Variants in PEX6 observed in about 807,000 individuals in gnomAD.
PEX6 encodes the protein peroxisome biogenesis factor 6.
Under a neutral mutation model 85.6 loss-of-function variants are expected in PEX6, and 55 were observed. That is an observed-to-expected ratio of 0.64 (90% CI 0.52 to 0.80). PEX6 has a LOEUF of 0.80. Ranked by LOEUF, PEX6 falls within the 30% of genes least tolerant of loss-of-function variation. The pLI is 0.00. For missense variants in PEX6, 1,099 were observed against 1,260.3 expected (o/e 0.87, Z 1.94); for synonymous variants, 519 against 549.1 (o/e 0.95, Z 0.77).
Position 42,979,067 on chromosome 6 carries a change from C to T in PEX6, c.84G>A (p.Pro28=), listed in dbSNP as rs1236425028. The part of the protein sequence containing the change: ...PLAVLLPPGG[P]WPAAELGLVL... ...CCAGGCCCAGCTCCGCCGCCGGCCACGGGCCCCCGGGTGGCAGCAGCACTG... is the reference window on the plus strand; with the variant it reads ...CCAGGCCCAGCTCCGCCGCCGGCCATGGGCCCCCGGGTGGCAGCAGCACTG... The change falls in exon 1 of 17, where the codon CCG becomes CCA. Residue 28 remains proline (P), a synonymous_variant. Transcript: ENST00000304611. 30 of 1,539,114 alleles carry T rather than the reference C, an allele frequency of 1.9e-5. No homozygotes were observed. The highest frequency in any genetic ancestry group is 1.4e-4 in the Admixed American group (7 of 51,410).
rs374452739 is a variant in PEX6 at position 42,978,454 on chromosome 6, T to G, written c.697A>C (p.Asn233His). 4 of 1,614,034 alleles carry G rather than the reference T, an allele frequency of 2.5e-6. No homozygotes were observed. The highest frequency in any genetic ancestry group is 2.7e-5 in the African/African-American group (2 of 75,004). Residue 233 changes from asparagine to histidine, a missense_variant, in exon 1 of 17, where the codon AAC becomes CAC. Around this residue, in one of 3 missense-constraint regions of PEX6, gnomAD observed 579 missense variants for 611.6 expected, o/e 0.95. Transcript: ENST00000304611. ...VWVAQARESS[N>H]TSQPHLARVQ... ...CTAGCCAAGTGCGGCTGTGAAGTGT[T>G]CGATGACTCTCTGGCCTGGGCCACC...
chr6:42,967,846 G>A (rs865821297), intron 7 of PEX6, among the ~76,000 whole-genome samples: 27 of 152,136 alleles, frequency 1.8e-4, no homozygotes, highest in African/African-American at 6.3e-4. Context: ...GCTGTCTAGA[G>A]GGCAGCCAAA....
In PEX6 at chr6:42,978,281, C is replaced by G. The variant is rs150358700; in HGVS notation, c.870G>C (p.Glu290Asp). The change falls in exon 1 of 17, where the codon GAG (glutamate) becomes GAC (aspartate). Residue 290 changes from glutamate to aspartate, a missense_variant. This residue lies in a region of PEX6 where 579 missense variants were observed against 611.6 expected (regional missense o/e 0.95). Transcript: ENST00000304611. Reference protein sequence around the residue: ...NLGCDPLEMGELRIQRYLEGS... With the variant: ...NLGCDPLEMGDLRIQRYLEGS... ...TCCTTTATCCTACCTGAATTCTGAG[C>G]TCTCCCATTTCCAGGGGGTCACAGC... The G allele has an allele frequency of 3.4e-5, 55 of 1,614,210 alleles. No individual in the cohort carries two copies. Among genetic ancestry groups the G allele is most frequent in the Non-Finnish European group, 4.6e-5 (54 of 1,180,028 alleles).
chr6:42,968,255 C>T, intron 7 of PEX6, 35 bp downstream of exon 7: 2 of 1,587,458 alleles, frequency 1.3e-6, no homozygotes, highest in Non-Finnish European at 1.7e-6. Flanking sequence ...CAGCCGGCCC[C>T]CCCAGCTTTG....
chr6:42,969,527 T>G, intron 5 of PEX6, 141 bp downstream of exon 5: 2 of 1,003,482 alleles, frequency 2.0e-6, no homozygotes, highest in Non-Finnish European at 1.6e-6. Flanking sequence ...CTGGTGGCCT[T>G]GTGTAGGACA....
In PEX6 at chr6:42,964,536, G is replaced by A; in HGVS notation, c.2807-65C>T. 6.3e-7 allele frequency: 1 copy of A among 1,587,738 alleles called. No homozygotes were observed. The highest frequency in any genetic ancestry group is 8.6e-7 in the Non-Finnish European group (1 of 1,158,814). On this transcript the variant is annotated intron_variant, in intron 16 of 16. Coordinates refer to ENST00000304611, the MANE Select transcript of PEX6 (RefSeq NM_000287.4). The surrounding 1 kb of genome is among the most constrained non-coding windows in gnomAD (Gnocchi z 4.6). ...GGCAGGGGAGAGCCCTGCGAAGGTG[G>A]CTTCCTGCTCAGGGTCTCCTAGATG...
At chr6:42,968,231 T>G in intron 7 of PEX6, 59 bp downstream of exon 7, 8 of 1,434,296 alleles carry the variant, frequency 5.6e-6, no homozygotes, top group African/African-American at 1.4e-5. Flanking sequence ...ATTATAAGTG[T>G]GAGCCACCGC....
intron 11 of PEX6, 51 bp from the exon 12 acceptor site, chr6:42,966,156 A>G: frequency 6.2e-7 from 1 of 1,610,976 alleles, no homozygotes; most frequent in Non-Finnish European, 8.5e-7. Flanking sequence ...ACATACACAC[A>G]ATTGACCTCT....
In PEX6 at chr6:42,964,913, A is replaced by C; in HGVS notation, c.2683T>G (p.Ser895Ala). 1 of 1,614,176 alleles carries C rather than the reference A, an allele frequency of 6.2e-7. No homozygotes were observed. The highest frequency in any genetic ancestry group is 8.5e-7 in the Non-Finnish European group (1 of 1,180,026). The change falls in exon 16 of 17, where the codon TCT becomes GCT. Residue 895 changes from serine (S) to alanine (A), a missense_variant. Physicochemically the swap from Ser to Ala is moderately conservative, Grantham distance 99. This residue lies in a region of PEX6 where 514 missense variants were observed against 627.0 expected (regional missense o/e 0.82). Coordinates refer to ENST00000304611, the MANE Select transcript of PEX6 (RefSeq NM_000287.4). This position sits in a 1 kb window ranked among gnomAD's most constrained non-coding sequence, Gnocchi z 4.6. Reference protein sequence around the residue: ...AITRKFKLEPSVSLVNVLDCC... With the variant: ...AITRKFKLEPAVSLVNVLDCC... ...TCTAGCACGTTTACCAGGCTCACAG[A>C]TGGCTCTAGCTTGAATCTGTTGTGG...
In PEX6 at chr6:42,978,432, G is replaced by C. The variant is rs372269200; in HGVS notation, c.719C>G (p.Ala240Gly). Residue 240 changes from alanine (A) to glycine (G), a missense_variant, in exon 1 of 17, where the codon GCT becomes GGT. Transcript: ENST00000304611. ...GCGAGGTTCTAGGACCTGCACCCTA[G>C]CCAAGTGCGGCTGTGAAGTGTTCGA... ...ESSNTSQPHL[A>G]RVQVLEPRWD... The C allele has an allele frequency of 6.2e-7, 1 of 1,613,956 alleles. No homozygotes were observed. Among genetic ancestry groups the C allele is most frequent in the African/African-American group, 1.3e-5 (1 of 74,870 alleles).
At chr6:42,969,642 C>T in intron 5 of PEX6, 26 bp downstream of exon 5, 1 of 1,612,124 alleles carries the variant, frequency 6.2e-7, no homozygotes. Context: ...GCTTTTCTCA[C>T]ACCCTGGGGT....
At chr6:42,973,922 CAT>C (rs1457300624) in intron 3 of PEX6, 79 bp downstream of exon 3, 10 of 948,012 alleles carry the variant, frequency 1.1e-5, no homozygotes, top group Non-Finnish European at 1.7e-5. Context: ...ACAAATTACA[CAT>C]GATTTGCAGG....
In PEX6 at chr6:42,977,676, G is replaced by A. The variant is rs779693543; in HGVS notation, c.882+593C>T. On this transcript the variant is annotated intron_variant, in intron 1 of 16. Coordinates refer to ENST00000304611, the MANE Select transcript of PEX6 (RefSeq NM_000287.4). ...GAGCCAGTAGTAGGAGGCTGAGACA[G>A]GAGAATCGCTTGAACCTGGGAGGCG... Among the ~76,000 whole-genome samples the A allele has an allele frequency of 2.4e-3, 351 of 144,058 alleles. 5 individuals are homozygous for A. The highest frequency in any genetic ancestry group is 9.3e-4 in the Non-Finnish European group (62 of 66,730). The allele number at this position is 144,058 out of a possible 152,430, so 94.5% of individuals were successfully genotyped here.
Position 42,966,120 on chromosome 6 carries a change from G to A in PEX6, c.2301-15C>T, listed in dbSNP as rs267608236. ...GCCCCTTCACGCTGAGTGAGAGGAT[G>A]TGAGAAGGTGAGAGCCGTCAGATGC... On this transcript the variant is annotated splice_polypyrimidine_tract_variant and intron_variant, in intron 11 of 16. Coordinates refer to ENST00000304611, the MANE Select transcript of PEX6 (RefSeq NM_000287.4). 2.5e-6 allele frequency: 4 copies of A among 1,613,994 alleles called. No individual in the cohort carries two copies. The highest frequency in any genetic ancestry group is 3.4e-6 in the Non-Finnish European group (4 of 1,179,896).
intron 11 of PEX6, 65 bp from the exon 12 acceptor site, chr6:42,966,170 G>A: frequency 1.2e-6 from 2 of 1,609,440 alleles, no homozygotes; most frequent in Non-Finnish European, 1.7e-6. Context: ...GACCTCTTGG[G>A]CAGCCCCTCC....
rs576399709 is a variant in PEX6, at chr6:42,966,593, C to T, written c.2026G>A (p.Ala676Thr). 6.7e-5 allele frequency: 108 copies of T among 1,614,182 alleles called. 1 individual carries two copies. The South Asian group carries it at 1.1e-3, about 17-fold the overall frequency. ...TCCAGTGCCTGCCCAAAGTCCTCAGCCAGGAGAGGAAAGCCGGCAGCACAC... is the reference window on the plus strand; with the variant it reads ...TCCAGTGCCTGCCCAAAGTCCTCAGTCAGGAGAGGAAAGCCGGCAGCACAC... ...ELCAAGFPLL[A>T]EDFGQALEQL... Residue 676 changes from alanine (A) to threonine (T), a missense_variant, in exon 10 of 17, where the codon GCT (alanine) becomes ACT (threonine). This residue lies in a region of PEX6 where 514 missense variants were observed against 627.0 expected (regional missense o/e 0.82). Coordinates refer to ENST00000304611, the MANE Select transcript of PEX6 (RefSeq NM_000287.4).
intron 7 of PEX6, among the ~76,000 whole-genome samples, chr6:42,967,947 C>CTTT (rs34767122): frequency 2.2e-5 from 3 of 136,388 alleles, no homozygotes; most frequent in Non-Finnish European, 3.1e-5. Flanking sequence ...CCCGCTCCCC[C>CTTT]TTTTTTTTTT....
At chr6:42,968,065 G>C (rs960368722) in intron 7 of PEX6, among the ~76,000 whole-genome samples, 1 of 151,388 alleles carries the variant, frequency 6.6e-6, no homozygotes, top group African/African-American at 2.4e-5. Flanking sequence ...TCCTGCCTCA[G>C]CCTCCCAAGT....
rs1458854682 is a variant in PEX6 at position 42,971,308 on chromosome 6, T to G, written c.1131-1321A>C. 6.6e-6 allele frequency among the ~76,000 whole-genome samples: 1 copy of G among 152,198 alleles called. No homozygotes were observed. The highest frequency in any genetic ancestry group is 2.4e-5 in the African/African-American group (1 of 41,460). ...TAGGATCTCGATCAAGCTCAACAGC[T>G]GAGTCATGGTGTGTATGACTCACCA... On this transcript the variant is annotated intron_variant, in intron 3 of 16. Coordinates refer to ENST00000304611, the MANE Select transcript of PEX6 (RefSeq NM_000287.4). The surrounding 1 kb of genome is among the most constrained non-coding windows in gnomAD (Gnocchi z 4.4).
Sources: allele counts gnomAD v4.1 joint callset (sites outside exome capture counted in the v4.1 genomes callset), GRCh38; gene constraint gnomAD v4.1.1; regional missense constraint gnomAD v4.1.1; non-coding constraint Gnocchi (gnomAD v3.1); transcripts MANE v1.5; gene names NCBI Gene and HGNC (gene_info 2026-07-23, HGNC 2026-07-21).